The following KLHL23 variants were observed in gnomAD, a reference collection of about 807,000 sequenced individuals.
KLHL23 encodes kelch like family member 23, also known as kelch-like protein 23.
A neutral mutation model predicts 48.9 loss-of-function variants in KLHL23; 33 were observed. The observed-to-expected ratio is 0.67, with a 90% CI of 0.51 to 0.90. The LOEUF is 0.90. Among genes scored for constraint, KLHL23 ranks in the 40% least tolerant of loss-of-function variants. The pLI, the probability that KLHL23 is intolerant of heterozygous loss-of-function variation, is 0.00. For synonymous variants in KLHL23, 234 were observed against 231.6 expected, an observed-to-expected ratio of 1.01 and a Z score of -0.09; for missense variants, 608 against 669.6, an observed-to-expected ratio of 0.91 and a Z score of 1.02.
intron 3 of KLHL23, among the ~76,000 whole-genome samples, chr2:169,745,619 A>T (rs952647718): frequency 6.6e-6 from 1 of 151,922 alleles, no homozygotes; most frequent in African/African-American, 2.4e-5. Context: ...ACCAAGGGAG[A>T]AATGCTGAAA....
chr2:169,736,523 T>C (rs1688521794), intron 2 of KLHL23, among the ~76,000 whole-genome samples: 1 of 152,232 alleles, frequency 6.6e-6, no homozygotes, highest in Admixed American at 6.5e-5. Context: ...TTCAACTTTT[T>C]CCTCTCAAAA....
chr2:169,738,504 T>C (rs1247567101), intron 2 of KLHL23, among the ~76,000 whole-genome samples: 1 of 152,188 alleles, frequency 6.6e-6, no homozygotes, highest in Admixed American at 6.5e-5. Flanking sequence ...CAGCTTTCTC[T>C]GGTAATAAAC....
intron 3 of KLHL23, among the ~76,000 whole-genome samples, chr2:169,742,662 G>A (rs1278836979): frequency 1.3e-5 from 2 of 152,088 alleles, no homozygotes; most frequent in East Asian, 3.8e-4. Flanking sequence ...CCTAAATCTG[G>A]TGCTGCATCT....
In KLHL23 at chr2:169,735,506, A is replaced by G. The variant is rs1688487973; in HGVS notation, c.492A>G (p.Ser164=). The change falls in exon 2 of 4, where the codon TCA becomes TCG. Residue 164 remains serine, a synonymous_variant. Coordinates refer to ENST00000392647, the MANE Select transcript of KLHL23 (RefSeq NM_144711.6). The surrounding 1 kb of genome is among the most constrained non-coding windows in gnomAD (Gnocchi z 4.5). ...LEKESRRILC[S]KFKEVWQQEE... ...AGGAATCTCGAAGAATTCTATGTTC[A>G]AAGTTTAAGGAAGTGTGGCAACAAG... 6.2e-7 allele frequency: 1 copy of G among 1,614,046 alleles called. No homozygotes were observed. Among genetic ancestry groups the G allele is most frequent in the African/African-American group, 1.3e-5 (1 of 75,068 alleles).
At chr2:169,738,848 CTT>C (rs1485798245) in intron 2 of KLHL23, among the ~76,000 whole-genome samples, 9 of 4,012 alleles carry the variant, frequency 2.2e-3, no homozygotes, top group Admixed American at 3.2e-3. Flanking sequence ...TCCCCCTCCC[CTT>C]CCTCACCCTC....
chr2:169,735,311 A>G lies in KLHL23; in HGVS notation c.297A>G (p.Gln99=). 6.2e-7 allele frequency: 1 copy of G among 1,613,588 alleles called. No individual in the cohort carries two copies. Residue 99 remains glutamine (Q), a synonymous_variant, in exon 2 of 4, where the codon CAA becomes CAG. Transcript: ENST00000392647. This position sits in a 1 kb window ranked among gnomAD's most constrained non-coding sequence, Gnocchi z 4.5. ...TTGTAAATTATGCATACACTTCCCAAATTGAAATAACTAAAAGAAATGTTC... is the reference window on the plus strand; with the variant it reads ...TTGTAAATTATGCATACACTTCCCAGATTGAAATAACTAAAAGAAATGTTC... The part of the protein sequence containing the change: ...EGLVNYAYTS[Q]IEITKRNVQS...
chr2:169,735,522 T>C lies in KLHL23; in HGVS notation c.508T>C (p.Trp170Arg). The change falls in exon 2 of 4, where the codon TGG becomes CGG. Residue 170 changes from tryptophan to arginine, a missense_variant. Physicochemically the swap from Trp to Arg is moderately radical, Grantham distance 101 (BLOSUM62 -3). Transcript: ENST00000392647. The surrounding 1 kb of genome is among the most constrained non-coding windows in gnomAD (Gnocchi z 4.5). Reference sequence around the variant, plus strand: ...TCTATGTTCAAAGTTTAAGGAAGTGTGGCAACAAGAAGAATTTCTGGAAAT... The same window carrying C: ...TCTATGTTCAAAGTTTAAGGAAGTGCGGCAACAAGAAGAATTTCTGGAAAT... ...RILCSKFKEV[W>R]QQEEFLEISL... 1 of 1,613,872 alleles carries C rather than the reference T, an allele frequency of 6.2e-7. No homozygotes were observed. Among genetic ancestry groups the C allele is most frequent in the Non-Finnish European group, 8.5e-7 (1 of 1,179,990 alleles).
At chr2:169,741,341 G>T in intron 2 of KLHL23, 44 bp from the exon 3 acceptor site, 1 of 1,562,402 alleles carries the variant, frequency 6.4e-7, no homozygotes, top group East Asian at 2.3e-5. Context: ...CTGCAAAAAA[G>T]AACAAAAGAT....
At chr2:169,741,558 A>G in intron 3 of KLHL23, 21 bp downstream of exon 3, 1 of 1,606,548 alleles carries the variant, frequency 6.2e-7, no homozygotes, top group Non-Finnish European at 8.5e-7. Flanking sequence ...TACTGTCTCA[A>G]ATAGTGTATG....
At chr2:169,745,149 T>G (rs1471124511) in intron 3 of KLHL23, among the ~76,000 whole-genome samples, 2 of 151,390 alleles carry the variant, frequency 1.3e-5, no homozygotes, top group Non-Finnish European at 2.9e-5. Context: ...ACTCCTGGCC[T>G]AAAGTCATCC....
chr2:169,748,582 A>G (rs1200860874), intron 3 of KLHL23, among the ~76,000 whole-genome samples: 5 of 152,166 alleles, frequency 3.3e-5, no homozygotes, highest in Non-Finnish European at 7.4e-5. Context: ...TGCAGTGCAA[A>G]TGACTCACAG....
chr2:169,743,979 TA>T (rs1226131153), intron 3 of KLHL23, among the ~76,000 whole-genome samples: 1 of 152,242 alleles, frequency 6.6e-6, no homozygotes, highest in Non-Finnish European at 1.5e-5. Context: ...TGACTACTAT[TA>T]TTTTTTAAAG....
intron 3 of KLHL23, among the ~76,000 whole-genome samples, chr2:169,742,174 T>G (rs1264819471): frequency 2.0e-5 from 3 of 152,222 alleles, no homozygotes; most frequent in African/African-American, 7.2e-5. Context: ...GCCATAGGTT[T>G]AAGTTGTTTT....
At chr2:169,747,502 G>A (rs913226836) in intron 3 of KLHL23, among the ~76,000 whole-genome samples, 4 of 139,930 alleles carry the variant, frequency 2.9e-5, no homozygotes, top group East Asian at 2.1e-4. Context: ...GGGTCTCACC[G>A]TGTTGCCCAG....
At chr2:169,743,041 T>C (rs1318251403) in intron 3 of KLHL23, among the ~76,000 whole-genome samples, 1 of 152,224 alleles carries the variant, frequency 6.6e-6, no homozygotes, top group Non-Finnish European at 1.5e-5. Context: ...CTAGTGCTTA[T>C]TAGAACTGAG....
At chr2:169,744,945 T>TTG (rs1688760988) in intron 3 of KLHL23, among the ~76,000 whole-genome samples, 1 of 138,502 alleles carries the variant, frequency 7.2e-6, no homozygotes, top group Non-Finnish European at 1.6e-5. Context: ...TGTTTTTTGT[T>TTG]TTTTTTTTTT....
chr2:169,746,631 G>A (rs999951484), intron 3 of KLHL23, among the ~76,000 whole-genome samples: 9 of 152,144 alleles, frequency 5.9e-5, no homozygotes, highest in African/African-American at 2.2e-4. Context: ...TTACAGCTCA[G>A]GAAGAAAAAG....
In KLHL23 at chr2:169,749,842, G is replaced by A. The variant is rs201321190; in HGVS notation, c.*110G>A. ...TGATAATTGTGTCTGGCACATGATA[G>A]GGGATCAGTAAATTGTAATTCCTAA... On this transcript the variant is annotated 3_prime_UTR_variant, in exon 4 of 4. Coordinates refer to ENST00000392647, the MANE Select transcript of KLHL23 (RefSeq NM_144711.6). 1.1e-5 allele frequency: 15 copies of A among 1,336,902 alleles called. No individual in the cohort carries two copies. Among genetic ancestry groups the A allele is most frequent in the Middle Eastern group, 3.8e-4 (2 of 5,210 alleles). The allele number at this position is 1,336,902 out of a possible 1,614,324, so 82.8% of individuals were successfully genotyped here.
At position 169,735,856 on chromosome 2, in the gene KLHL23, ATTACTGGCATCCT is replaced by A; in HGVS notation, c.846_858del (p.Trp283GlnfsTer9). 1.2e-6 allele frequency: 2 copies of A among 1,614,128 alleles called. No individual in the cohort carries two copies. Among genetic ancestry groups the A allele is most frequent in the Non-Finnish European group, 1.7e-6 (2 of 1,180,030 alleles). On this transcript the variant is annotated frameshift_variant, in exon 2 of 4. Coordinates refer to ENST00000392647, the MANE Select transcript of KLHL23 (RefSeq NM_144711.6). LOFTEE classifies it high-confidence loss of function. This position sits in a 1 kb window ranked among gnomAD's most constrained non-coding sequence, Gnocchi z 4.5. The stretch of plus-strand genomic sequence containing the variant: ...GCCACAATGTATATAATTGGAGGCT[ATTACTGGCATCCT>A]TTATCAGAGGTTCACATATGGGATC...
Sources: gnomAD v4.1 joint callset for allele counts (sites outside exome capture counted in the v4.1 genomes callset) on GRCh38, gnomAD v4.1.1 for gene constraint, Gnocchi (gnomAD v3.1) non-coding constraint, MANE v1.5 for transcripts, NCBI Gene and HGNC (gene_info 2026-07-23, HGNC 2026-07-21) for gene names.